The following NRG3 variants were observed in gnomAD, a reference collection of about 807,000 sequenced individuals.
NRG3 encodes pro-neuregulin-3, membrane-bound isoform.
NRG3 carries 31 observed loss-of-function variants against 66.9 expected under a neutral mutation model. The observed-to-expected ratio is 0.46, with a 90% CI of 0.35 to 0.63. The LOEUF (loss-of-function observed/expected upper bound fraction) is 0.63. Among genes scored for constraint, NRG3 ranks in the 20% least tolerant of loss-of-function variants. The pLI, the probability that NRG3 is intolerant of heterozygous loss-of-function variation, is 0.00. For missense variants in NRG3, 910 were observed against 878.9 expected (o/e 1.04, Z -0.45); for synonymous variants, 393 against 359.4 (o/e 1.09, Z -1.06).
chr10:82,099,825 A>G (rs1005605635), intron 1 of NRG3, among the ~76,000 whole-genome samples: 4 of 151,662 alleles, frequency 2.6e-5, no homozygotes, highest in African/African-American at 7.3e-5. Flanking sequence ...AACAAAAACA[A>G]AAAAACAACT....
chr10:82,031,962 C>T (rs2132892028), intron 1 of NRG3, among the ~76,000 whole-genome samples: 1 of 152,174 alleles, frequency 6.6e-6, no homozygotes, highest in Admixed American at 6.5e-5. Context: ...CTTCACACCA[C>T]CTTCATGTGG....
intron 1 of NRG3, among the ~76,000 whole-genome samples, chr10:82,041,952 C>T (rs2063062196): frequency 6.6e-6 from 1 of 152,012 alleles, no homozygotes; most frequent in Non-Finnish European, 1.5e-5. Context: ...CACAAAACTA[C>T]CCCAGATGGG....
At chr10:81,953,069 C>G (rs1398640328) in intron 1 of NRG3, among the ~76,000 whole-genome samples, 1 of 152,160 alleles carries the variant, frequency 6.6e-6, no homozygotes, top group Non-Finnish European at 1.5e-5. Flanking sequence ...TGACAGGGGA[C>G]TTAGGGGCTC....
chr10:81,932,996 C>A (rs1847520894), intron 1 of NRG3, among the ~76,000 whole-genome samples: 1 of 151,176 alleles, frequency 6.6e-6, no homozygotes, highest in East Asian at 2.0e-4. Context: ...GTAATCCCAG[C>A]TACTTGGGAG....
intron 1 of NRG3, among the ~76,000 whole-genome samples, chr10:82,034,507 T>G (rs1425389065): frequency 6.6e-6 from 1 of 152,084 alleles, no homozygotes. Flanking sequence ...GCAAGCTACT[T>G]AATTTCTTTC....
At position 82,740,823 on chromosome 10, in the gene NRG3, CAAAAAAAAAAA is replaced by C. The variant is rs56944502; in HGVS notation, c.1027+2189_1027+2199del. Among the ~76,000 whole-genome samples the C allele has an allele frequency of 2.8e-3, 337 of 118,306 alleles. 1 individual carries two copies. The highest frequency in any genetic ancestry group is 9.1e-3 in the Middle Eastern group (2 of 220). 77.6% of individuals were successfully genotyped at this position (118,306 alleles called of 152,430 possible). ...TGGGTGACAGAGCAAGACTCTGTCTCAAAAAAAAAAAAAAAAAAAAAAAAAATTATACCTCT... is the reference window on the plus strand; with the variant it reads ...TGGGTGACAGAGCAAGACTCTGTCTCAAAAAAAAAAAAAAATTATACCTCT... On this transcript the variant is annotated intron_variant, in intron 3 of 8. Coordinates refer to ENST00000372141, the MANE Select transcript of NRG3 (RefSeq NM_001010848.4).
At chr10:82,252,241 T>C (rs1204384960) in intron 1 of NRG3, among the ~76,000 whole-genome samples, 1 of 152,234 alleles carries the variant, frequency 6.6e-6, no homozygotes, top group Non-Finnish European at 1.5e-5. Context: ...CATTGCTCAA[T>C]TGGGTACAAA....
chr10:82,091,759 A>G (rs1564552919), intron 1 of NRG3, among the ~76,000 whole-genome samples: 2 of 152,202 alleles, frequency 1.3e-5, no homozygotes, highest in African/African-American at 4.8e-5. Context: ...CAGCTGCGCC[A>G]TTCCTGCCAA....
intron 2 of NRG3, among the ~76,000 whole-genome samples, chr10:82,595,804 G>A (rs1206673236): frequency 1.3e-5 from 2 of 151,874 alleles, no homozygotes; most frequent in African/African-American, 2.4e-5. Context: ...AAATAGATTG[G>A]AACTTTTAGT....
chr10:82,666,919 A>G (rs2052834434), intron 2 of NRG3, among the ~76,000 whole-genome samples: 1 of 152,222 alleles, frequency 6.6e-6, no homozygotes, highest in Admixed American at 6.5e-5. Context: ...CATTATATAT[A>G]CAGAGTGTAG....
At chr10:81,910,896 A>G (rs1448969049) in intron 1 of NRG3, among the ~76,000 whole-genome samples, 2 of 152,140 alleles carry the variant, frequency 1.3e-5, no homozygotes, top group African/African-American at 2.4e-5. Flanking sequence ...AGCCTCAATC[A>G]TCCTCCTACC....
chr10:82,122,203 T>C (rs1041555435), intron 1 of NRG3, among the ~76,000 whole-genome samples: 1 of 152,184 alleles, frequency 6.6e-6, no homozygotes, highest in African/African-American at 2.4e-5. Context: ...AGTAACTGAT[T>C]TTTTAATTAT....
At chr10:82,455,971 T>G (rs2091249856) in intron 2 of NRG3, among the ~76,000 whole-genome samples, 1 of 152,138 alleles carries the variant, frequency 6.6e-6, no homozygotes, top group East Asian at 1.9e-4. Context: ...TAAATTAACC[T>G]TAGCTTACTG....
intron 2 of NRG3, among the ~76,000 whole-genome samples, chr10:82,704,141 C>T (rs1484839492): frequency 6.6e-6 from 1 of 152,106 alleles, no homozygotes; most frequent in Non-Finnish European, 1.5e-5. Context: ...AGTCTCTGTG[C>T]TTCTGTAAAC....
intron 2 of NRG3, among the ~76,000 whole-genome samples, chr10:82,643,851 TTCTC>T (rs1415310720): frequency 6.8e-6 from 1 of 147,040 alleles, no homozygotes; most frequent in Non-Finnish European, 1.5e-5. Flanking sequence ...TCTTTTGAAT[TTCTC>T]TCTCTCTTTC....
intron 3 of NRG3, among the ~76,000 whole-genome samples, chr10:82,801,037 T>A (rs2061012405): frequency 6.6e-6 from 1 of 152,196 alleles, no homozygotes; most frequent in Non-Finnish European, 1.5e-5. Context: ...AAATGAGTAT[T>A]GTGTTCAGAT....
At chr10:81,914,225 A>T (rs1845452947) in intron 1 of NRG3, among the ~76,000 whole-genome samples, 1 of 152,208 alleles carries the variant, frequency 6.6e-6, no homozygotes. Context: ...ATTAAAAATC[A>T]CTTAAAATTT....
chr10:81,882,362 C>T (rs1037770083), intron 1 of NRG3, among the ~76,000 whole-genome samples: 4 of 151,952 alleles, frequency 2.6e-5, no homozygotes, highest in African/African-American at 9.7e-5. Flanking sequence ...CAGTCATAAC[C>T]ATATTTTTTA....
intron 1 of NRG3, among the ~76,000 whole-genome samples, chr10:81,945,501 T>A (rs1848769038): frequency 6.6e-6 from 1 of 152,198 alleles, no homozygotes; most frequent in African/African-American, 2.4e-5. Context: ...AAATGCATTC[T>A]GGAAATTGAG....
Sources: allele counts gnomAD v4.1 joint callset (sites outside exome capture counted in the v4.1 genomes callset), GRCh38; gene constraint gnomAD v4.1.1; transcripts MANE v1.5; gene names NCBI Gene and HGNC (gene_info 2026-07-23, HGNC 2026-07-21).